The following CD5 variants were observed in gnomAD, a reference collection of about 807,000 sequenced individuals.
CD5 encodes the protein CD5 molecule, also known as T-cell surface glycoprotein CD5.
In CD5, 36 loss-of-function variants were observed where a neutral mutation model predicts 60.3. The observed-to-expected ratio is 0.60, with a 90% CI of 0.46 to 0.79. The LOEUF is 0.79. Ranked by LOEUF, CD5 falls within the 30% of genes least tolerant of loss-of-function variation. CD5 has a pLI of 0.00. For synonymous variants in CD5, 230 were observed against 257.6 expected, an observed-to-expected ratio of 0.89 and a Z score of 1.03; for missense variants, 540 against 630.6, an observed-to-expected ratio of 0.86 and a Z score of 1.54.
intron 1 of CD5, among the ~76,000 whole-genome samples, chr11:61,102,922 T>G (rs1000463647): frequency 1.3e-5 from 2 of 152,166 alleles, no homozygotes; most frequent in Non-Finnish European, 1.5e-5. Context: ...CCAGACAACT[T>G]GATTCCTAGG....
At position 61,118,595 on chromosome 11, in the gene CD5, C is replaced by A; in HGVS notation, c.400+115C>A. 1 of 1,081,324 alleles carries A rather than the reference C, an allele frequency of 9.2e-7. No homozygotes were observed. Among genetic ancestry groups the A allele is most frequent in the South Asian group, 1.5e-5 (1 of 67,468 alleles). The allele number at this position is 1,081,324 out of a possible 1,614,324, so 67.0% of individuals were successfully genotyped here. ...GGCTGGTGGAAGGGGTGGGGGGACC[C>A]CAGTTTATAACCACTCCCCAAGACA... On this transcript the variant is annotated intron_variant, in intron 3 of 10. Transcript: ENST00000347785. The surrounding 1 kb of genome is among the most constrained non-coding windows in gnomAD (Gnocchi z 4.7).
intron 6 of CD5, among the ~76,000 whole-genome samples, chr11:61,122,349 TGGA>T (rs1205165210): frequency 8.5e-5 from 12 of 141,246 alleles, no homozygotes; most frequent in Admixed American, 1.4e-4. Context: ...GATGGATGGA[TGGA>T]TCGGTGGGTG....
intron 1 of CD5, among the ~76,000 whole-genome samples, chr11:61,113,329 C>T (rs1177558783): frequency 6.6e-6 from 1 of 152,228 alleles, no homozygotes; most frequent in Non-Finnish European, 1.5e-5. Flanking sequence ...AACCTCTTCC[C>T]CAGCCACAGA....
Position 61,118,235 on chromosome 11 carries a change from T to C in CD5, c.155T>C (p.Leu52Pro), listed in dbSNP as rs918103823. ...SKCQGQLEVY[L>P]KDGWHMVCSQ... ...TGCCAGGGCCAGCTGGAGGTCTACC[T>C]CAAGGACGGATGGCACATGGTTTGC... The change falls in exon 3 of 11, where the codon CTC becomes CCC. Residue 52 changes from leucine to proline, a missense_variant. Physicochemically the swap from Leu to Pro is moderately conservative, Grantham distance 98 (BLOSUM62 -3). Transcript: ENST00000347785. This position sits in a 1 kb window ranked among gnomAD's most constrained non-coding sequence, Gnocchi z 4.7. 1 of 1,614,204 alleles carries C rather than the reference T, an allele frequency of 6.2e-7. No individual in the cohort carries two copies. The highest frequency in any genetic ancestry group is 8.5e-7 in the Non-Finnish European group (1 of 1,180,036).
the CD5 span, among the ~76,000 whole-genome samples, chr11:61,095,921 G>C: frequency 1.2e-4 from 19 of 152,364 alleles, no homozygotes; most frequent in Non-Finnish European, 2.4e-4. Flanking sequence ...AATATATCAG[G>C]AGAAAATTGC....
chr11:61,122,543 A>G (rs534479383), intron 6 of CD5, among the ~76,000 whole-genome samples: 130 of 152,316 alleles, frequency 8.5e-4, no homozygotes, highest in Non-Finnish European at 1.3e-3. Flanking sequence ...GGATGGATGG[A>G]TCAAGAATAG....
At chr11:61,123,161 C>A in intron 7 of CD5, 129 bp downstream of exon 7, 1 of 1,074,252 alleles carries the variant, frequency 9.3e-7, no homozygotes, top group Non-Finnish European at 1.3e-6. Flanking sequence ...CTTCACCACC[C>A]AGCCTTCCCC....
chr11:61,112,046 G>A (rs1860863432), intron 1 of CD5, among the ~76,000 whole-genome samples: 1 of 152,224 alleles, frequency 6.6e-6, no homozygotes, highest in South Asian at 2.1e-4. Flanking sequence ...AACTGGAGCA[G>A]TAGAAAGTCA....
chr11:61,101,800 C>CAT, upstream of CD5, among the ~76,000 whole-genome samples: 1 of 151,872 alleles, frequency 6.6e-6, no homozygotes, highest in African/African-American at 2.4e-5. Context: ...GGAGATCACA[C>CAT]ACACTCAACA....
intron 8 of CD5, among the ~76,000 whole-genome samples, 192 bp downstream of exon 8, chr11:61,124,129 GGCTGATGGCTGAGCGGTTTCTACC>G (rs1292537337): frequency 2.0e-5 from 3 of 152,054 alleles, no homozygotes; most frequent in Non-Finnish European, 2.9e-5. Flanking sequence ...CTTCTTGATG[GGCTGATGGCTGAGCGGTTTCTACC>G]GCTGAAGCCT....
upstream of CD5, among the ~76,000 whole-genome samples, chr11:61,100,548 T>C: frequency 8.5e-6 from 1 of 118,058 alleles, no homozygotes. Context: ...CACATAAACA[T>C]GGAGATCACA....
intron 5 of CD5, among the ~76,000 whole-genome samples, chr11:61,120,714 C>T (rs1170638217): frequency 6.6e-6 from 1 of 152,168 alleles, no homozygotes; most frequent in South Asian, 2.1e-4. Flanking sequence ...CCTGCAAGCA[C>T]GCTGGGTACC....
At chr11:61,113,363 G>T (rs1002291854) in intron 1 of CD5, among the ~76,000 whole-genome samples, 3 of 152,176 alleles carry the variant, frequency 2.0e-5, no homozygotes, top group African/African-American at 7.2e-5. Context: ...TGAGAGCCCC[G>T]CAATGGGCAA....
chr11:61,125,235 G>T, intron 9 of CD5, 84 bp downstream of exon 9: 1 of 1,488,384 alleles, frequency 6.7e-7, no homozygotes, highest in Non-Finnish European at 9.3e-7. Flanking sequence ...CTTGAAGGTC[G>T]GGTGATGGCC....
chr11:61,119,892 GA>G (rs35078679), intron 5 of CD5, among the ~76,000 whole-genome samples: 19 of 151,180 alleles, frequency 1.3e-4, no homozygotes, highest in South Asian at 2.1e-4. Context: ...GTCTGGGGGA[GA>G]AAAAAAAATG....
At chr11:61,099,361 A>G (rs924818903), upstream of CD5, among the ~76,000 whole-genome samples, 3 of 151,770 alleles carry the variant, frequency 2.0e-5, no homozygotes, top group African/African-American at 7.3e-5. Flanking sequence ...CATGGAGATC[A>G]CACACACACA....
intron 5 of CD5, 149 bp from the exon 6 acceptor site, chr11:61,121,462 C>T (rs1370931787): frequency 3.8e-6 from 2 of 533,080 alleles, no homozygotes; most frequent in Non-Finnish European, 6.0e-6. Flanking sequence ...GAGGGAAGGG[C>T]AGAAAAGAAG....
At chr11:61,099,526 T>TCACACACACACATCAACATGGAGAG (rs1860629225), upstream of CD5, among the ~76,000 whole-genome samples, 1 of 130,800 alleles carries the variant, frequency 7.6e-6, no homozygotes, top group South Asian at 2.4e-4. Context: ...AACATGGAGA[T>TCACACACACACATCAACATGGAGAG]CACATTCGCA....
chr11:61,121,509 C>T (rs1037537005), intron 5 of CD5, 102 bp from the exon 6 acceptor site: 5 of 1,047,806 alleles, frequency 4.8e-6, no homozygotes, highest in Non-Finnish European at 6.5e-6. Context: ...GTGCCTTCCC[C>T]TAGCCAGGGC....
Sources: allele counts gnomAD v4.1 joint callset (sites outside exome capture counted in the v4.1 genomes callset), GRCh38; gene constraint gnomAD v4.1.1; non-coding constraint Gnocchi (gnomAD v3.1); transcripts MANE v1.5; gene names NCBI Gene and HGNC (gene_info 2026-07-23, HGNC 2026-07-21).